The following FBN3 variants were observed in gnomAD, a reference collection of about 807,000 sequenced individuals.
FBN3 encodes the protein fibrillin 3.
A neutral mutation model predicts 330.1 loss-of-function variants in FBN3; 234 were observed. The ratio of observed to expected loss-of-function variants is 0.71; its 90% CI spans 0.64 to 0.79. The LOEUF (loss-of-function observed/expected upper bound fraction) is 0.79. FBN3 is among the 30% of genes least tolerant of loss of function. The pLI is 0.00. For synonymous variants in FBN3, 1,458 were observed against 1,517.3 expected (o/e 0.96, Z 0.91); for missense variants, 3,606 against 3,886.9 (o/e 0.93, Z 1.92).
rs540068124 is a variant in FBN3, at chr19:8,101,279, G to T, written c.5090-307C>A. On this transcript the variant is annotated intron_variant, in intron 40 of 63. Coordinates refer to ENST00000600128, the MANE Select transcript of FBN3 (RefSeq NM_032447.5). ...AGCTGGGATTACAGGCGTGAGCCAC[G>T]ACGTCTGGTTTTTAAAGCCACCTAG... Among the ~76,000 whole-genome samples the T allele has an allele frequency of 2.1e-3, 312 of 152,026 alleles. 1 individual carries two copies. Among genetic ancestry groups the T allele is most frequent in the African/African-American group, 7.0e-3 (289 of 41,502 alleles).
chr19:8,087,695 C>T (rs2081996791), intron 53 of FBN3, 130 bp downstream of exon 53: 2 of 779,966 alleles, frequency 2.6e-6, no homozygotes, highest in Non-Finnish European at 4.2e-6. Flanking sequence ...CAACCTCCGC[C>T]TCCCAGGTTC....
At chr19:8,085,256 C>CACACAG in intron 56 of FBN3, 107 bp downstream of exon 56, 2 of 868,438 alleles carry the variant, frequency 2.3e-6, no homozygotes, top group Non-Finnish European at 3.5e-6. Flanking sequence ...CACACACACA[C>CACACAG]AGTGTGGCTC....
intron 1 of FBN3, 151 bp from the exon 2 acceptor site, chr19:8,147,648 G>A (rs1328234263): frequency 2.6e-5 from 14 of 545,398 alleles, no homozygotes; most frequent in South Asian, 4.4e-5. Context: ...ACCGGGAAGC[G>A]GTGAACAGTC....
intron 18 of FBN3, 82 bp downstream of exon 18, chr19:8,128,946 G>A (rs2083059287): frequency 1.1e-5 from 16 of 1,509,946 alleles, no homozygotes; most frequent in Admixed American, 2.0e-5. Context: ...GCGTGTGCAT[G>A]CCTGTGCGTG....
intron 63 of FBN3, among the ~76,000 whole-genome samples, chr19:8,066,534 A>G (rs2145322400): frequency 6.6e-6 from 1 of 152,328 alleles, no homozygotes; most frequent in East Asian, 1.9e-4. Context: ...ATGGACATAA[A>G]GATGGGAAGC....
intron 26 of FBN3, among the ~76,000 whole-genome samples, chr19:8,118,179 CCACT>C (rs1568421026): frequency 2.0e-5 from 3 of 151,980 alleles, no homozygotes; most frequent in African/African-American, 4.8e-5. Context: ...CCACACAGAC[CCACT>C]CAAACACATT....
At chr19:8,089,042 ATGAG>A (rs1179481064) in intron 51 of FBN3, among the ~76,000 whole-genome samples, 5 of 151,008 alleles carry the variant, frequency 3.3e-5, no homozygotes, top group African/African-American at 1.2e-4. Context: ...AAATGAGTGA[ATGAG>A]TGAATAAGTG....
At position 8,081,348 on chromosome 19, in the gene FBN3, A is replaced by T; in HGVS notation, c.7336+10T>A. On this transcript the variant is annotated intron_variant, in intron 58 of 63. Coordinates refer to ENST00000600128, the MANE Select transcript of FBN3 (RefSeq NM_032447.5). ...GTGGTGGGAGTGGGGGAGAGTTGAAAGGACATCACCTTTGCAGGTCCTGCC... is the reference window on the plus strand; with the variant it reads ...GTGGTGGGAGTGGGGGAGAGTTGAATGGACATCACCTTTGCAGGTCCTGCC... 1 of 1,591,762 alleles carries T rather than the reference A, an allele frequency of 6.3e-7. No homozygotes were observed. Among genetic ancestry groups the T allele is most frequent in the Non-Finnish European group, 8.6e-7 (1 of 1,169,274 alleles).
chr19:8,083,201 G>A (rs370824259), intron 57 of FBN3, 46 bp downstream of exon 57: 44 of 1,610,148 alleles, frequency 2.7e-5, no homozygotes, highest in Non-Finnish European at 3.6e-5. Context: ...TGCACAGAAG[G>A]TGGCCAGGCT....
rs776851132 is a variant in FBN3, at chr19:8,146,194, G to GA, written c.281dup (p.Cys95LeufsTer58). 6 of 1,601,418 alleles carry GA rather than the reference G, an allele frequency of 3.7e-6. No homozygotes were observed. Among genetic ancestry groups the GA allele is most frequent in the Non-Finnish European group, 5.1e-6 (6 of 1,175,406 alleles). The stretch of plus-strand genomic sequence containing the variant: ...AGGTGCACAGGTTGGGCTGGGAGCA[G>GA]AAGCCTTCACCGCAGGCGCGCCTAC... On this transcript the variant is annotated frameshift_variant, in exon 4 of 64. Transcript: ENST00000600128. LOFTEE classifies it high-confidence loss of function.
At chr19:8,083,811 T>C (rs907602121) in intron 56 of FBN3, among the ~76,000 whole-genome samples, 1 of 148,432 alleles carries the variant, frequency 6.7e-6, no homozygotes, top group Non-Finnish European at 1.5e-5. Flanking sequence ...TTTTCTTTTT[T>C]TTTTTTTTTG....
chr19:8,119,106 C>T (rs1038832652), intron 25 of FBN3, 84 bp from the exon 26 acceptor site: 13 of 1,455,064 alleles, frequency 8.9e-6, no homozygotes, highest in Admixed American at 5.9e-5. Flanking sequence ...GGCTTCTCTC[C>T]GCCACCTCCC....
chr19:8,126,650 A>G, intron 19 of FBN3, 45 bp from the exon 20 acceptor site: 1 of 1,598,626 alleles, frequency 6.3e-7, no homozygotes, highest in Non-Finnish European at 8.5e-7. Flanking sequence ...CCGGCCCTAC[A>G]CCTGCACCCT....
Position 8,123,414 on chromosome 19 carries a change from T to C in FBN3, c.3082+50A>G, listed in dbSNP as rs867126561. On this transcript the variant is annotated intron_variant, in intron 24 of 63. Coordinates refer to ENST00000600128, the MANE Select transcript of FBN3 (RefSeq NM_032447.5). Reference sequence around the variant, plus strand: ...GTCTCTACGTCTTATTTGAGGCCCCTATCCCTGCCAAGGATCACGCTCTCT... The same window carrying C: ...GTCTCTACGTCTTATTTGAGGCCCCCATCCCTGCCAAGGATCACGCTCTCT... 1.9e-5 allele frequency: 30 copies of C among 1,590,224 alleles called. 1 individual carries two copies. The Middle Eastern group carries it at 3.8e-3, about 203-fold the overall frequency.
intron 61 of FBN3, 137 bp from the exon 62 acceptor site, chr19:8,073,434 T>A: frequency 1.4e-6 from 1 of 705,088 alleles, no homozygotes; most frequent in Non-Finnish European, 2.4e-6. Context: ...AAGCTGGCAG[T>A]GAGCCCTGAG....
intron 48 of FBN3, among the ~76,000 whole-genome samples, chr19:8,090,676 G>A (rs12459838): frequency 0.12 from 17,917 of 151,768 alleles, 1,390 homozygotes; most frequent in East Asian, 0.26. Flanking sequence ...TAGAGACGGG[G>A]TTTCACCACA....
chr19:8,135,935 T>TTGGGGGGGGGGCGGG, intron 13 of FBN3, 26 bp downstream of exon 13: 1 of 1,344,156 alleles, frequency 7.4e-7, no homozygotes, highest in Non-Finnish European at 1.0e-6. Context: ...CGGAAGCCCC[T>TTGGGGGGGGGGCGGG]GCCCACCCGC....
intron 51 of FBN3, 150 bp from the exon 52 acceptor site, chr19:8,088,329 G>A (rs1599307506): frequency 1.1e-6 from 1 of 936,264 alleles, no homozygotes. Flanking sequence ...AGCGGTATGT[G>A]TTTAGTGAAT....
At chr19:8,132,847 T>G in intron 14 of FBN3, 137 bp downstream of exon 14, 1 of 1,029,630 alleles carries the variant, frequency 9.7e-7, no homozygotes, top group East Asian at 2.8e-5. Flanking sequence ...CCTCCTCCTC[T>G]TTTTCTCCCT....
Sources: gnomAD v4.1 joint callset for allele counts (sites outside exome capture counted in the v4.1 genomes callset) on GRCh38, gnomAD v4.1.1 for gene constraint, MANE v1.5 for transcripts, NCBI Gene and HGNC (gene_info 2026-07-23, HGNC 2026-07-21) for gene names.